Variants in UNC5D observed in about 807,000 individuals in gnomAD.
UNC5D encodes unc-5 netrin receptor D, also known as netrin receptor UNC5D.
UNC5D carries 39 observed loss-of-function variants against 105.4 expected under a neutral mutation model. That is an observed-to-expected ratio of 0.37 (90% CI 0.29 to 0.48). UNC5D has a LOEUF of 0.48. UNC5D is among the 20% of genes least tolerant of loss of function. UNC5D has a pLI of 0.98. For synonymous variants in UNC5D, 452 were observed against 450.4 expected (o/e 1.00, Z -0.04); for missense variants, 991 against 1,202.4 (o/e 0.82, Z 2.60).
intron 1 of UNC5D, among the ~76,000 whole-genome samples, chr8:35,292,716 CTT>C (rs35935733): frequency 1.6e-4 from 20 of 123,612 alleles, no homozygotes; most frequent in South Asian, 2.6e-4. Context: ...CTTTTTTTTC[CTT>C]TTTTTTTTTT....
rs1306426609 is a variant in UNC5D, at chr8:35,718,182, T to C, written c.1118-4028T>C. On this transcript the variant is annotated intron_variant, in intron 8 of 16. Transcript: ENST00000404895. ...CCTCCCAAGCTTTGCCTGAAGCTTT[T>C]GTGACTCTGGGAGAGAGGAAAATAG... Among the ~76,000 whole-genome samples, 3 of 152,118 alleles carry C rather than the reference T, an allele frequency of 2.0e-5. No individual in the cohort carries two copies. In the East Asian group the frequency reaches 5.8e-4, roughly 29 times the overall value.
At chr8:35,778,747 A>G (rs1268267858) in intron 16 of UNC5D, among the ~76,000 whole-genome samples, 1 of 152,226 alleles carries the variant, frequency 6.6e-6, no homozygotes, top group Non-Finnish European at 1.5e-5. Context: ...GTGGAAGAAA[A>G]CATTTGCTTT....
intron 15 of UNC5D, 80 bp from the exon 16 acceptor site, chr8:35,774,219 A>G: frequency 6.5e-7 from 1 of 1,545,280 alleles, no homozygotes; most frequent in Non-Finnish European, 8.8e-7. Context: ...GTGTTAACCC[A>G]GATTTTCTTA....
intron 15 of UNC5D, among the ~76,000 whole-genome samples, chr8:35,770,399 T>C (rs1289308653): frequency 6.6e-6 from 1 of 152,182 alleles, no homozygotes; most frequent in African/African-American, 2.4e-5. Context: ...CCTTCATGCC[T>C]CTGATCTAAG....
At chr8:35,723,795 C>T (rs16884301) in intron 9 of UNC5D, among the ~76,000 whole-genome samples, 8,243 of 152,068 alleles carry the variant, frequency 0.054, 618 homozygotes, top group African/African-American at 0.16. Context: ...CACTTGAAAA[C>T]AGATGAGCTG....
At chr8:35,492,095 T>A (rs565546329) in intron 1 of UNC5D, among the ~76,000 whole-genome samples, 8 of 151,840 alleles carry the variant, frequency 5.3e-5, no homozygotes, top group Middle Eastern at 3.4e-3. Context: ...TCACTTTTCT[T>A]CTTTTTTTTT....
At chr8:35,331,293 G>C (rs1810610485) in intron 1 of UNC5D, among the ~76,000 whole-genome samples, 1 of 152,152 alleles carries the variant, frequency 6.6e-6, no homozygotes, top group African/African-American at 2.4e-5. Flanking sequence ...CATGAGTATG[G>C]TAGCCGCCTT....
chr8:35,752,869 C>T (rs903883057), intron 13 of UNC5D, among the ~76,000 whole-genome samples: 7 of 152,182 alleles, frequency 4.6e-5, no homozygotes, highest in Non-Finnish European at 8.8e-5. Context: ...GGAAGATTTC[C>T]AGTCTCCTGG....
At chr8:35,561,512 CTT>C (rs1816964064) in intron 2 of UNC5D, among the ~76,000 whole-genome samples, 1 of 151,322 alleles carries the variant, frequency 6.6e-6, no homozygotes, top group South Asian at 2.1e-4. Context: ...TCTTAAAATA[CTT>C]TATTGAAAAA....
At chr8:35,755,987 G>A (rs1426678823) in intron 13 of UNC5D, among the ~76,000 whole-genome samples, 1 of 152,112 alleles carries the variant, frequency 6.6e-6, no homozygotes, top group Non-Finnish European at 1.5e-5. Context: ...CTCAGGCCTA[G>A]CCCCCCAGAG....
chr8:35,336,114 G>A (rs1378064419), intron 1 of UNC5D, among the ~76,000 whole-genome samples: 2 of 152,110 alleles, frequency 1.3e-5, no homozygotes, highest in African/African-American at 4.8e-5. Context: ...TGCACAGGAT[G>A]TGTAATCAGT....
At chr8:35,286,363 T>C (rs564752938) in intron 1 of UNC5D, among the ~76,000 whole-genome samples, 51 of 152,252 alleles carry the variant, frequency 3.3e-4, no homozygotes, top group African/African-American at 1.1e-3. Context: ...GCCAACAGTG[T>C]CATACTGTAG....
At chr8:35,286,847 A>G (rs918961536) in intron 1 of UNC5D, among the ~76,000 whole-genome samples, 1 of 152,168 alleles carries the variant, frequency 6.6e-6, no homozygotes, top group Non-Finnish European at 1.5e-5. Context: ...CTCACCCAGC[A>G]TGGGAGCCTG....
At chr8:35,354,588 A>C (rs1383902225) in intron 1 of UNC5D, among the ~76,000 whole-genome samples, 2 of 152,140 alleles carry the variant, frequency 1.3e-5, no homozygotes, top group Non-Finnish European at 2.9e-5. Flanking sequence ...TACCTTTACT[A>C]AGGTGAGGGA....
intron 4 of UNC5D, among the ~76,000 whole-genome samples, chr8:35,631,785 C>T (rs1321329904): frequency 6.6e-6 from 1 of 152,164 alleles, no homozygotes; most frequent in Non-Finnish European, 1.5e-5. Flanking sequence ...TATAGGATTA[C>T]AATATAGGGA....
At chr8:35,253,439 C>G (rs1803845057) in intron 1 of UNC5D, among the ~76,000 whole-genome samples, 1 of 145,082 alleles carries the variant, frequency 6.9e-6, no homozygotes, top group Non-Finnish European at 1.5e-5. Context: ...TTTTTTTTTT[C>G]CCTCTGTAGA....
intron 10 of UNC5D, 94 bp from the exon 11 acceptor site, chr8:35,730,918 G>A (rs1490707093): frequency 1.9e-6 from 2 of 1,069,222 alleles, no homozygotes; most frequent in Non-Finnish European, 1.4e-6. Context: ...TGAGAAAGTA[G>A]CTTGTTTTCC....
At chr8:35,392,140 A>G (rs374392129) in intron 1 of UNC5D, among the ~76,000 whole-genome samples, 4 of 152,276 alleles carry the variant, frequency 2.6e-5, no homozygotes, top group African/African-American at 4.8e-5. Context: ...AAGGTTCTCT[A>G]GGGGAGAATT....
At chr8:35,408,058 A>G (rs1388659600) in intron 1 of UNC5D, among the ~76,000 whole-genome samples, 1 of 152,078 alleles carries the variant, frequency 6.6e-6, no homozygotes, top group East Asian at 1.9e-4. Context: ...TTATTCCTTA[A>G]TCATTAGATC....
Sources: gnomAD v4.1 joint callset for allele counts (sites outside exome capture counted in the v4.1 genomes callset) on GRCh38, gnomAD v4.1.1 for gene constraint, MANE v1.5 for transcripts, NCBI Gene and HGNC (gene_info 2026-07-23, HGNC 2026-07-21) for gene names.